CTNNA2: variants seen among roughly 807,000 people sequenced by gnomAD.
CTNNA2 encodes the protein catenin alpha 2.
Under a neutral mutation model 101.0 loss-of-function variants are expected in CTNNA2, and 42 were observed. The observed-to-expected ratio is 0.42, with a 90% CI of 0.32 to 0.54. CTNNA2 has a LOEUF of 0.54. Among genes scored for constraint, CTNNA2 ranks in the 20% least tolerant of loss-of-function variants. CTNNA2 has a pLI of 0.14. For missense variants in CTNNA2, 871 were observed against 1,223.1 expected, an observed-to-expected ratio of 0.71 and a Z score of 4.29; for synonymous variants, 450 against 456.4, an observed-to-expected ratio of 0.99 and a Z score of 0.18.
At chr2:79,582,899 T>G (rs1573400626) in intron 1 of CTNNA2, among the ~76,000 whole-genome samples, 1 of 152,162 alleles carries the variant, frequency 6.6e-6, no homozygotes, top group Non-Finnish European at 1.5e-5. Flanking sequence ...CCCACTCACC[T>G]TAGTTTCTTG....
chr2:79,899,819 T>TA (rs1294369665), intron 6 of CTNNA2, among the ~76,000 whole-genome samples: 1 of 152,170 alleles, frequency 6.6e-6, no homozygotes, highest in Non-Finnish European at 1.5e-5. Flanking sequence ...TGTAGCTTAA[T>TA]AAAAAATACA....
At chr2:79,891,190 G>A (rs1284649542) in intron 6 of CTNNA2, among the ~76,000 whole-genome samples, 1 of 152,006 alleles carries the variant, frequency 6.6e-6, no homozygotes, top group East Asian at 1.9e-4. Context: ...TGAATTTATA[G>A]TTGGGAGGTT....
At chr2:80,443,468 C>T (rs1447110139) in intron 9 of CTNNA2, among the ~76,000 whole-genome samples, 12 of 152,164 alleles carry the variant, frequency 7.9e-5, no homozygotes, top group Non-Finnish European at 1.5e-5. Flanking sequence ...CTGCTTTTAC[C>T]ATTTAACATT....
At chr2:80,087,701 T>C (rs536564248) in intron 7 of CTNNA2, among the ~76,000 whole-genome samples, 76 of 152,166 alleles carry the variant, frequency 5.0e-4, no homozygotes, top group African/African-American at 1.7e-3. Flanking sequence ...AAAATGCAGA[T>C]TTTATTCAGT....
intron 1 of CTNNA2, among the ~76,000 whole-genome samples, chr2:79,600,599 C>T (rs988491526): frequency 5.9e-5 from 9 of 152,174 alleles, no homozygotes; most frequent in East Asian, 3.9e-4. Context: ...CTATTGAACA[C>T]GTAGAAAATA....
At chr2:79,302,315 C>T (rs1676131582) in intron 2 of CTNNA2, among the ~76,000 whole-genome samples, 1 of 151,990 alleles carries the variant, frequency 6.6e-6, no homozygotes, top group Admixed American at 6.6e-5. Flanking sequence ...GGGAAGCATC[C>T]CTGCTCCTTT....
At chr2:80,418,027 C>G (rs1010985552) in intron 8 of CTNNA2, among the ~76,000 whole-genome samples, 2 of 152,080 alleles carry the variant, frequency 1.3e-5, no homozygotes, top group Admixed American at 6.6e-5. Context: ...TTTATCTCAA[C>G]CTTCTCTTCC....
chr2:80,417,415 G>C (rs1680140446), intron 8 of CTNNA2, among the ~76,000 whole-genome samples: 1 of 151,376 alleles, frequency 6.6e-6, no homozygotes, highest in Non-Finnish European at 1.5e-5. Flanking sequence ...TTTATTCATG[G>C]ACCCCCTGGT....
intron 1 of CTNNA2, among the ~76,000 whole-genome samples, chr2:79,192,070 G>T (rs1673881862): frequency 6.6e-6 from 1 of 151,940 alleles, no homozygotes; most frequent in Admixed American, 6.6e-5. Flanking sequence ...GGAAGAGTGA[G>T]TTATTCCTTC....
At chr2:79,287,025 C>T (rs1196679737) in intron 2 of CTNNA2, among the ~76,000 whole-genome samples, 5 of 152,150 alleles carry the variant, frequency 3.3e-5, no homozygotes, top group Non-Finnish European at 7.3e-5. Flanking sequence ...ATCGCTGATA[C>T]CCTTTCTTCC....
rs377159450 is a variant in CTNNA2 at position 80,149,774 on chromosome 2, T to TCTCACACACA, written c.1056+239978_1056+239979insTCACACACAC. On this transcript the variant is annotated intron_variant, in intron 7 of 18. Transcript: ENST00000402739. Reference sequence around the variant, plus strand: ...TCAGGGAATACTCGATTAGAATGGATCACACACACACACACACACACACAC... The same window carrying TCTCACACACA: ...TCAGGGAATACTCGATTAGAATGGATCTCACACACACACACACACACACACACACACACAC... Among the ~76,000 whole-genome samples, 1,039 of 143,376 alleles carry TCTCACACACA rather than the reference T, an allele frequency of 7.2e-3. 15 individuals carry two copies. Among genetic ancestry groups the TCTCACACACA allele is most frequent in the African/African-American group, 0.025 (969 of 38,610 alleles). The allele number at this position is 143,376 out of a possible 152,430, so 94.1% of individuals were successfully genotyped here. A position where few individuals can be genotyped will look rare whatever the true frequency, so the allele number is the denominator to read the frequency against.
intron 7 of CTNNA2, among the ~76,000 whole-genome samples, chr2:79,921,802 C>T (rs190882368): frequency 2.0e-5 from 3 of 152,260 alleles, no homozygotes; most frequent in South Asian, 2.1e-4. Context: ...ATTGAGCTTT[C>T]GTTCTAGGTT....
In CTNNA2 at chr2:79,471,854, A is replaced by T. The variant is rs182043021; in HGVS notation, c.-134-33200A>T. On this transcript the variant is annotated intron_variant, in intron 4 of 21. Transcript: ENST00000466387. ...CTCTGTCTCAAAAAACAAAAAAAAA[A>T]GATTTTAACATATCAGTTGTGGGGA... Among the ~76,000 whole-genome samples the T allele has an allele frequency of 5.1e-4, 78 of 152,120 alleles. 1 individual carries two copies. In the East Asian group the frequency reaches 0.011, roughly 21 times the overall value.
At chr2:79,932,145 T>C (rs1439089104) in intron 7 of CTNNA2, among the ~76,000 whole-genome samples, 1 of 152,144 alleles carries the variant, frequency 6.6e-6, no homozygotes, top group African/African-American at 2.4e-5. Context: ...CAACTCTTAC[T>C]GTTGTACACC....
At chr2:79,359,949 A>G (rs1378831299) in intron 3 of CTNNA2, among the ~76,000 whole-genome samples, 1 of 152,194 alleles carries the variant, frequency 6.6e-6, no homozygotes, top group Non-Finnish European at 1.5e-5. Context: ...CATCATTCTT[A>G]TGGGTAATGG....
chr2:79,779,930 G>A (rs772470167), intron 3 of CTNNA2, among the ~76,000 whole-genome samples: 13 of 152,024 alleles, frequency 8.6e-5, no homozygotes, highest in African/African-American at 2.7e-4. Flanking sequence ...CATTATACCC[G>A]CCTGCCTTTT....
At chr2:80,579,517 G>A (rs1181633179) in intron 13 of CTNNA2, 1 of 152,150 alleles carries the variant, frequency 6.6e-6, no homozygotes, top group African/African-American at 2.4e-5. Flanking sequence ...AGAGAATATT[G>A]TCTCTGTCCA....
At chr2:79,760,442 T>G (rs1330459932) in intron 3 of CTNNA2, among the ~76,000 whole-genome samples, 2 of 151,346 alleles carry the variant, frequency 1.3e-5, no homozygotes, top group African/African-American at 4.8e-5. Flanking sequence ...TAGGACAGTC[T>G]GACAGGCTGG....
intron 3 of CTNNA2, among the ~76,000 whole-genome samples, chr2:79,853,006 A>G (rs965743661): frequency 6.6e-6 from 1 of 152,170 alleles, no homozygotes; most frequent in Non-Finnish European, 1.5e-5. Flanking sequence ...AGCTGGGACT[A>G]CAGGCACCTG....
Sources: allele counts gnomAD v4.1 joint callset (sites outside exome capture counted in the v4.1 genomes callset), GRCh38; gene constraint gnomAD v4.1.1; transcripts MANE v1.5; gene names NCBI Gene and HGNC (gene_info 2026-07-23, HGNC 2026-07-21).